NTAN1: variants seen among roughly 807,000 people sequenced by gnomAD.
NTAN1 encodes N-terminal asparagine amidase, also known as protein N-terminal asparagine amidohydrolase.
A neutral mutation model predicts 41.9 loss-of-function variants in NTAN1; 32 were observed. That is an observed-to-expected ratio of 0.76 (90% CI 0.58 to 1.03). The LOEUF (loss-of-function observed/expected upper bound fraction) is 1.03, where lower values mean the gene tolerates loss of function less well. Ranked by LOEUF, NTAN1 falls within the 50% of genes least tolerant of loss-of-function variation. The probability of loss-of-function intolerance (pLI) is 0.00; values close to 1 mark genes in which losing one functional copy is unlikely to be tolerated. For synonymous variants in NTAN1, 140 were observed against 139.5 expected, an observed-to-expected ratio of 1.00 and a Z score of -0.03; for missense variants, 377 against 377.5, an observed-to-expected ratio of 1.00 and a Z score of 0.01.
At chr16:15,054,090 G>T (rs2044403563) in intron 1 of NTAN1, among the ~76,000 whole-genome samples, 1 of 152,190 alleles carries the variant, frequency 6.6e-6, no homozygotes, top group Non-Finnish European at 1.5e-5. Flanking sequence ...CGGAGAAACT[G>T]GCCAGGACAC....
At chr16:15,055,803 C>T (rs889621321) in intron 1 of NTAN1, 88 bp downstream of exon 1, 6 of 714,202 alleles carry the variant, frequency 8.4e-6, no homozygotes, top group Non-Finnish European at 1.2e-5. Context: ...CGCCAAGTTT[C>T]AAGTCTGTGT....
chr16:15,044,493 C>T, intron 4 of NTAN1, 86 bp from the exon 5 acceptor site: 5 of 872,218 alleles, frequency 5.7e-6, no homozygotes, highest in Non-Finnish European at 9.7e-6. Flanking sequence ...TTCTCAGTTT[C>T]CATGAACACT....
intron 1 of NTAN1, chr16:15,055,635 C>T (rs2044479112): frequency 5.9e-6 from 2 of 337,704 alleles, no homozygotes; most frequent in African/African-American, 2.1e-5. Context: ...TGCTGTGCGA[C>T]CTTGGGCAAG....
chr16:15,052,849 T>TA (rs750691431), intron 1 of NTAN1, among the ~76,000 whole-genome samples: 23 of 151,552 alleles, frequency 1.5e-4, no homozygotes, highest in Non-Finnish European at 1.2e-4. Context: ...AATAAATAAA[T>TA]AATAAAAGCA....
chr16:15,051,779 C>A (rs1287233511), intron 1 of NTAN1, among the ~76,000 whole-genome samples: 1 of 145,280 alleles, frequency 6.9e-6, no homozygotes, highest in Non-Finnish European at 1.5e-5. Flanking sequence ...TAGCTCACTG[C>A]AACCTCAAAC....
intron 1 of NTAN1, among the ~76,000 whole-genome samples, chr16:15,048,355 T>C (rs891105896): frequency 7.2e-5 from 11 of 152,176 alleles, no homozygotes; most frequent in Non-Finnish European, 1.3e-4. Context: ...TGAAATGAGA[T>C]GCAAAAATCC....
At chr16:15,041,355 C>G (rs983531791) in intron 6 of NTAN1, among the ~76,000 whole-genome samples, 6 of 152,110 alleles carry the variant, frequency 3.9e-5, no homozygotes, top group Non-Finnish European at 7.3e-5. Context: ...CTTCTCTGTG[C>G]ACCCTGTCTG....
Position 15,047,606 on chromosome 16 carries a change from A to G in NTAN1, c.251-56T>C. ...ATTCCCTGATGCGAGTGCAGTGCGC[A>G]GGCCGAGACTCCGCCTGTCCCTCCG... is the stretch of plus-strand genomic sequence containing the variant. On this transcript the variant is annotated intron_variant, in intron 3 of 9. Coordinates refer to ENST00000287706, the MANE Select transcript of NTAN1 (RefSeq NM_173474.4). The G allele has an allele frequency of 2.4e-6, 3 of 1,263,090 alleles. 1 individual carries two copies. In the South Asian group the frequency reaches 3.6e-5, roughly 15 times the overall value. The allele number at this position is 1,263,090 out of a possible 1,614,324, so 78.2% of individuals were successfully genotyped here.
At chr16:15,038,384 C>T in intron 9 of NTAN1, 174 bp from the exon 10 acceptor site, 1 of 618,416 alleles carries the variant, frequency 1.6e-6, no homozygotes, top group Non-Finnish European at 2.8e-6. Context: ...TTTACCCACA[C>T]ACATTTCCAT....
chr16:15,050,888 A>C (rs1056376402), intron 1 of NTAN1, among the ~76,000 whole-genome samples: 10 of 152,230 alleles, frequency 6.6e-5, no homozygotes, highest in Non-Finnish European at 4.4e-5. Flanking sequence ...TTTAAGAAAC[A>C]AACTAAAGAT....
intron 1 of NTAN1, among the ~76,000 whole-genome samples, chr16:15,055,533 G>A (rs948378399): frequency 6.6e-6 from 1 of 152,258 alleles, no homozygotes; most frequent in Non-Finnish European, 1.5e-5. Flanking sequence ...CCCGAAGGCG[G>A]GCGGCCGGAT....
chr16:15,039,388 C>T (rs1050375886), intron 8 of NTAN1, among the ~76,000 whole-genome samples: 5 of 152,140 alleles, frequency 3.3e-5, no homozygotes, highest in Admixed American at 6.5e-5. Flanking sequence ...ATGTGATTTC[C>T]GTTTTTTCAC....
chr16:15,055,400 G>A (rs529912517), intron 1 of NTAN1, among the ~76,000 whole-genome samples: 12 of 152,330 alleles, frequency 7.9e-5, no homozygotes, highest in Admixed American at 7.2e-4. Flanking sequence ...AGAGAGAGGA[G>A]GAAGGACTGG....
At chr16:15,040,093 A>G in intron 7 of NTAN1, 27 bp from the exon 8 acceptor site, 2 of 1,319,286 alleles carry the variant, frequency 1.5e-6, no homozygotes, top group Non-Finnish European at 2.2e-6. Context: ...GATGACTCTG[A>G]ATTGACAAAA....
At chr16:15,043,198 C>A (rs1408880870) in intron 5 of NTAN1, among the ~76,000 whole-genome samples, 5 of 151,974 alleles carry the variant, frequency 3.3e-5, no homozygotes, top group Admixed American at 2.0e-4. Context: ...CCGCACCCGG[C>A]CTAATTTTTG....
At position 15,038,153 on chromosome 16, in the gene NTAN1, T is replaced by G. The variant is rs750673581; in HGVS notation, c.811A>C (p.Thr271Pro). The G allele has an allele frequency of 6.2e-7, 1 of 1,613,150 alleles. No individual in the cohort carries two copies. The highest frequency in any genetic ancestry group is 1.7e-5 in the Admixed American group (1 of 59,994). Residue 271 changes from threonine (T) to proline (P), a missense_variant, in exon 10 of 10, where the codon ACC (threonine) becomes CCC (proline). Physicochemically the swap from Thr to Pro is conservative, Grantham distance 38 (BLOSUM62 -1). Coordinates refer to ENST00000287706, the MANE Select transcript of NTAN1 (RefSeq NM_173474.4). The part of the protein sequence containing the change: ...PPHFVEHIRS[T>P]LMFLKKHPSP... ...GGGTGTTTTTTTAAAAACATCAAGG[T>G]AGATCTAATATGTTCAACAAAGTGG... is the stretch of plus-strand genomic sequence containing the variant.
At chr16:15,054,372 A>G (rs1046116469) in intron 1 of NTAN1, among the ~76,000 whole-genome samples, 1 of 152,042 alleles carries the variant, frequency 6.6e-6, no homozygotes, top group Non-Finnish European at 1.5e-5. Context: ...ATCTCCCTCC[A>G]CACTTAAGTG....
chr16:15,047,767 G>T, intron 3 of NTAN1, 88 bp downstream of exon 3: 1 of 1,160,072 alleles, frequency 8.6e-7, no homozygotes, highest in Non-Finnish European at 1.3e-6. Flanking sequence ...CTTCCAACAA[G>T]ACACCAGGAA....
At chr16:15,051,698 A>T (rs1367051368) in intron 1 of NTAN1, among the ~76,000 whole-genome samples, 6 of 122,396 alleles carry the variant, frequency 4.9e-5, no homozygotes, top group African/African-American at 1.9e-4. Context: ...TTTATTTTTA[A>T]TTTTTTTTTT....
Sources: gnomAD v4.1 joint callset for allele counts (sites outside exome capture counted in the v4.1 genomes callset) on GRCh38, gnomAD v4.1.1 for gene constraint, MANE v1.5 for transcripts, NCBI Gene and HGNC (gene_info 2026-07-23, HGNC 2026-07-21) for gene names.